Variants in CHSY3 observed in about 807,000 individuals in gnomAD.
The protein encoded by CHSY3 is N-acetylgalactosaminyl-proteoglycan 3-beta-glucuronosyltransferase 3.
A neutral mutation model predicts 67.2 loss-of-function variants in CHSY3; 35 were observed. The observed-to-expected ratio is 0.52, with a 90% CI of 0.40 to 0.69. The LOEUF (loss-of-function observed/expected upper bound fraction) is 0.69. CHSY3 is among the 30% of genes least tolerant of loss of function. The pLI is 0.00. For synonymous variants in CHSY3, 474 were observed against 434.7 expected (o/e 1.09, Z -1.12); for missense variants, 1,069 against 1,138.5 (o/e 0.94, Z 0.88).
chr5:130,065,574 T>C (rs1157692119), intron 2 of CHSY3, among the ~76,000 whole-genome samples: 1 of 152,088 alleles, frequency 6.6e-6, no homozygotes, highest in African/African-American at 2.4e-5. Context: ...TCTGAGAAAC[T>C]GGTGAAGATC....
chr5:130,099,981 T>C (rs765562051), intron 2 of CHSY3, among the ~76,000 whole-genome samples: 1 of 146,484 alleles, frequency 6.8e-6, no homozygotes, highest in Non-Finnish European at 1.5e-5. Context: ...TTTATTTTAA[T>C]TGTAGTGACT....
rs34591686 is a variant in CHSY3 at position 130,179,729 on chromosome 5, A to AT, written c.1087-4488dup. Among the ~76,000 whole-genome samples, 701 of 150,002 alleles carry AT rather than the reference A, an allele frequency of 4.7e-3. 4 individuals carry two copies. The highest frequency in any genetic ancestry group is 0.016 in the African/African-American group (672 of 40,768). On this transcript the variant is annotated intron_variant, in intron 2 of 2. Transcript: ENST00000305031. The stretch of plus-strand genomic sequence containing the variant: ...AAAGGAAGTGGTAGTTTTTCATCTA[A>AT]TTTTTTTTTTTTATACTTTGTGTCA...
intron 2 of CHSY3, among the ~76,000 whole-genome samples, chr5:130,059,191 T>G (rs1276731122): frequency 6.6e-6 from 1 of 152,204 alleles, no homozygotes; most frequent in African/African-American, 2.4e-5. Flanking sequence ...AAAAGAATTT[T>G]GTCTCAAGAC....
intron 2 of CHSY3, among the ~76,000 whole-genome samples, chr5:130,093,831 A>C (rs970416468): frequency 1.3e-5 from 2 of 152,118 alleles, no homozygotes; most frequent in African/African-American, 4.8e-5. Context: ...AGAAACTGCT[A>C]TTTCAGCATA....
chr5:129,989,045 A>G (rs1301607386), intron 2 of CHSY3, among the ~76,000 whole-genome samples: 1 of 152,194 alleles, frequency 6.6e-6, no homozygotes, highest in Admixed American at 6.5e-5. Flanking sequence ...TTTGTAAAGT[A>G]TTCTTTGCTT....
chr5:130,060,685 T>G (rs1181170009), intron 2 of CHSY3, among the ~76,000 whole-genome samples: 1 of 152,170 alleles, frequency 6.6e-6, no homozygotes, highest in Non-Finnish European at 1.5e-5. Flanking sequence ...AAAAGACTCC[T>G]AGACTTCATA....
At position 129,904,496 on chromosome 5, in the gene CHSY3, G is replaced by T; in HGVS notation, c.-334G>T. ...AGGGTGGCAGCCTAGGAGCGGACGC[G>T]TTGCCGCCGCCGCTGCTCCTCCTCC... On this transcript the variant is annotated 5_prime_UTR_variant, in exon 1 of 3. Transcript: ENST00000305031. 1 of 230,720 alleles carries T rather than the reference G, an allele frequency of 4.3e-6. No individual in the cohort carries two copies. 14.3% of individuals were successfully genotyped at this position (230,720 alleles called of 1,614,324 possible). A position where few individuals can be genotyped will look rare whatever the true frequency, so the allele number is the denominator to read the frequency against.
At chr5:130,058,932 T>G (rs568641990) in intron 2 of CHSY3, among the ~76,000 whole-genome samples, 20 of 152,190 alleles carry the variant, frequency 1.3e-4, no homozygotes, top group Non-Finnish European at 2.5e-4. Context: ...AGTGGCCTTC[T>G]TCTCTGTGTG....
chr5:130,005,231 A>G (rs1446250609), intron 2 of CHSY3, among the ~76,000 whole-genome samples: 1 of 152,072 alleles, frequency 6.6e-6, no homozygotes, highest in African/African-American at 2.4e-5. Flanking sequence ...CCTGGCCAAC[A>G]TGGTGAAACC....
At chr5:130,040,041 G>A (rs923754267) in intron 2 of CHSY3, among the ~76,000 whole-genome samples, 13 of 152,046 alleles carry the variant, frequency 8.6e-5, no homozygotes, top group African/African-American at 1.2e-4. Flanking sequence ...CATGGGGAAC[G>A]TGAAGGGTGT....
Position 130,115,609 on chromosome 5 carries a change from C to G in CHSY3, c.1087-68620C>G, listed in dbSNP as rs553493516. Among the ~76,000 whole-genome samples, 6 of 152,242 alleles carry G rather than the reference C, an allele frequency of 3.9e-5. No homozygotes were observed. In the South Asian group the frequency reaches 1.2e-3, roughly 32 times the overall value. On this transcript the variant is annotated intron_variant, in intron 2 of 2. Coordinates refer to ENST00000305031, the MANE Select transcript of CHSY3 (RefSeq NM_175856.5). Reference sequence around the variant, plus strand: ...AACGATTCAGCCATTCTCTTTGTTTCTGTAGTATCTTATACTTCCACAAGA... The same window carrying G: ...AACGATTCAGCCATTCTCTTTGTTTGTGTAGTATCTTATACTTCCACAAGA...
intron 2 of CHSY3, among the ~76,000 whole-genome samples, chr5:130,152,566 T>C (rs1459189018): frequency 6.6e-6 from 1 of 152,200 alleles, no homozygotes; most frequent in South Asian, 2.1e-4. Context: ...TTTAAGCTTC[T>C]AATCAGTGTT....
intron 2 of CHSY3, among the ~76,000 whole-genome samples, chr5:130,039,446 A>G (rs909509351): frequency 7.9e-5 from 12 of 152,142 alleles, no homozygotes; most frequent in African/African-American, 2.7e-4. Context: ...AACTATGATC[A>G]TGCCACTGCA....
chr5:130,008,899 G>A (rs1400385050), intron 2 of CHSY3, among the ~76,000 whole-genome samples: 1 of 152,000 alleles, frequency 6.6e-6, no homozygotes, highest in Non-Finnish European at 1.5e-5. Context: ...AATCAACTCA[G>A]TCAGACAAAA....
intron 2 of CHSY3, among the ~76,000 whole-genome samples, chr5:130,071,747 T>C (rs1766078751): frequency 6.6e-6 from 1 of 152,066 alleles, no homozygotes; most frequent in East Asian, 1.9e-4. Flanking sequence ...GGACTGCTAA[T>C]TCATATAATA....
intron 2 of CHSY3, among the ~76,000 whole-genome samples, chr5:130,088,996 G>T (rs1320432896): frequency 1.3e-5 from 2 of 151,942 alleles, no homozygotes. Context: ...TGATAGACTG[G>T]ATTAAGAAAA....
At chr5:129,935,454 T>A (rs1761456568) in intron 2 of CHSY3, among the ~76,000 whole-genome samples, 1 of 152,142 alleles carries the variant, frequency 6.6e-6, no homozygotes, top group African/African-American at 2.4e-5. Context: ...TTATTAGTCA[T>A]CCCTTAGAAA....
chr5:129,990,967 G>A (rs565826686), intron 2 of CHSY3, among the ~76,000 whole-genome samples: 1 of 152,208 alleles, frequency 6.6e-6, no homozygotes, highest in African/African-American at 2.4e-5. Context: ...AGACCTAGGT[G>A]TCAGAAGTTA....
chr5:130,018,698 GGTTT>G (rs1245245184), intron 2 of CHSY3, among the ~76,000 whole-genome samples: 1 of 152,084 alleles, frequency 6.6e-6, no homozygotes, highest in African/African-American at 2.4e-5. Context: ...GTTTAGATAT[GGTTT>G]GTTTGTCCGC....
Sources: gnomAD v4.1 joint callset for allele counts (sites outside exome capture counted in the v4.1 genomes callset) on GRCh38, gnomAD v4.1.1 for gene constraint, MANE v1.5 for transcripts, NCBI Gene and HGNC (gene_info 2026-07-23, HGNC 2026-07-21) for gene names.